MSI2: variants seen among roughly 807,000 people sequenced by gnomAD.
MSI2 encodes musashi RNA binding protein 2.
MSI2 carries 17 observed loss-of-function variants against 45.6 expected under a neutral mutation model. The observed-to-expected ratio is 0.37, with a 90% CI of 0.26 to 0.56. MSI2 has a LOEUF of 0.56. Ranked by LOEUF, MSI2 falls within the 20% of genes least tolerant of loss-of-function variation. MSI2 has a pLI of 0.77. For synonymous variants in MSI2, 156 were observed against 158.2 expected (o/e 0.99, Z 0.11); for missense variants, 293 against 444.2 (o/e 0.66, Z 3.06).
chr17:57,602,517 T>C (rs1369201655), intron 8 of MSI2, among the ~76,000 whole-genome samples: 1 of 152,180 alleles, frequency 6.6e-6, no homozygotes. Flanking sequence ...CACGCCCAGC[T>C]AATTTTTTGT....
At chr17:57,645,353 CTG>C (rs1326271509) in intron 10 of MSI2, among the ~76,000 whole-genome samples, 2 of 152,192 alleles carry the variant, frequency 1.3e-5, no homozygotes, top group Non-Finnish European at 2.9e-5. Context: ...GGCTGGCAGA[CTG>C]AAGATGTGTG....
intron 5 of MSI2, among the ~76,000 whole-genome samples, chr17:57,299,928 G>A (rs958608970): frequency 1.3e-5 from 2 of 152,162 alleles, no homozygotes; most frequent in African/African-American, 4.8e-5. Flanking sequence ...CTCTAGGGAG[G>A]GCAGATTATT....
At chr17:57,447,747 C>A (rs915143678) in intron 6 of MSI2, among the ~76,000 whole-genome samples, 3 of 152,122 alleles carry the variant, frequency 2.0e-5, no homozygotes, top group African/African-American at 7.2e-5. Context: ...ACTCTGGAAC[C>A]ACCTGCTTGG....
rs530096308 is a variant in MSI2 at position 57,586,071 on chromosome 17, T to G, written c.455-10797T>G. 9.2e-5 allele frequency among the ~76,000 whole-genome samples: 14 copies of G among 152,342 alleles called. No individual in the cohort carries two copies. In the East Asian group the frequency reaches 2.3e-3, roughly 25 times the overall value. ...GTTTCTCTCTCGCCAAGAACTATTTTCCCGACCAAGATGGAACACCACGCA... is the reference window on the plus strand; with the variant it reads ...GTTTCTCTCTCGCCAAGAACTATTTGCCCGACCAAGATGGAACACCACGCA... On this transcript the variant is annotated intron_variant, in intron 7 of 13. Transcript: ENST00000284073.
intron 5 of MSI2, among the ~76,000 whole-genome samples, chr17:57,347,552 T>C (rs1031840329): frequency 1.6e-4 from 25 of 152,214 alleles, no homozygotes; most frequent in African/African-American, 5.8e-4. Flanking sequence ...TGTCTTGCGT[T>C]TCTCTCTCAG....
At chr17:57,337,452 A>C (rs1914768281) in intron 5 of MSI2, among the ~76,000 whole-genome samples, 1 of 151,668 alleles carries the variant, frequency 6.6e-6, no homozygotes, top group African/African-American at 2.4e-5. Context: ...TTTTCTCTCC[A>C]CTTTCTCGGC....
At chr17:57,698,454 T>G in the MSI2 span, among the ~76,000 whole-genome samples, 2 of 152,208 alleles carry the variant, frequency 1.3e-5, no homozygotes, top group African/African-American at 4.8e-5. Context: ...TGTCTTCACT[T>G]CTGCCTTTCC....
chr17:57,594,979 G>A lies in MSI2; in HGVS notation c.455-1889G>A, dbSNP rs144709430. On this transcript the variant is annotated intron_variant, in intron 7 of 13. Transcript: ENST00000284073. ...ATAAAGATCACGATTGCTGTGTTTC[G>A]TGGTCCTAGCCCTCTGTTTTACTGG... Among the ~76,000 whole-genome samples the A allele has an allele frequency of 6.6e-5, 10 of 152,286 alleles. 1 individual carries two copies. The East Asian group carries it at 1.9e-3, about 29-fold the overall frequency.
chr17:57,367,854 T>TA (rs1917312808), intron 5 of MSI2, among the ~76,000 whole-genome samples: 1 of 152,138 alleles, frequency 6.6e-6, no homozygotes, highest in Admixed American at 6.6e-5. Context: ...CCATCCCTCT[T>TA]ACAGCTGTGT....
At chr17:57,502,522 A>C (rs1337170015) in intron 6 of MSI2, among the ~76,000 whole-genome samples, 1 of 148,110 alleles carries the variant, frequency 6.8e-6, no homozygotes, top group Non-Finnish European at 1.5e-5. Flanking sequence ...ATCTACAGTA[A>C]TTGTGTAATA....
At chr17:57,502,604 T>G (rs1330077325) in intron 6 of MSI2, among the ~76,000 whole-genome samples, 5 of 76,546 alleles carry the variant, frequency 6.5e-5, no homozygotes, top group African/African-American at 1.3e-4. Flanking sequence ...GACTCTGAGA[T>G]ATATATATAT....
intron 6 of MSI2, among the ~76,000 whole-genome samples, chr17:57,408,780 T>C (rs577563432): frequency 1.3e-5 from 2 of 152,234 alleles, no homozygotes; most frequent in Non-Finnish European, 2.9e-5. Flanking sequence ...TGCCAGTGGG[T>C]GCAAGGGGTG....
chr17:57,675,379 A>G (rs1295646345), intron 12 of MSI2, among the ~76,000 whole-genome samples: 16 of 152,174 alleles, frequency 1.1e-4, no homozygotes. Flanking sequence ...CATCACCTTC[A>G]CACAGTGCAT....
intron 6 of MSI2, among the ~76,000 whole-genome samples, chr17:57,515,281 G>A (rs971136224): frequency 2.0e-5 from 3 of 152,124 alleles, no homozygotes; most frequent in African/African-American, 7.2e-5. Flanking sequence ...TCGGCTCGCC[G>A]CAACCTCCGC....
chr17:57,292,360 G>A (rs1910497729), intron 5 of MSI2, among the ~76,000 whole-genome samples: 1 of 152,168 alleles, frequency 6.6e-6, no homozygotes, highest in Non-Finnish European at 1.5e-5. Context: ...CATGGACTGG[G>A]GGAGACCAGG....
intron 7 of MSI2, among the ~76,000 whole-genome samples, chr17:57,583,757 A>G (rs2088271199): frequency 6.6e-6 from 1 of 152,148 alleles, no homozygotes; most frequent in African/African-American, 2.4e-5. Context: ...CACAGACATG[A>G]GCCACCAAAC....
intron 7 of MSI2, among the ~76,000 whole-genome samples, chr17:57,593,598 T>C (rs1389075286): frequency 6.6e-6 from 1 of 150,804 alleles, no homozygotes; most frequent in East Asian, 2.0e-4. Context: ...CTTCTCAAGA[T>C]TCTTAATTAA....
chr17:57,460,849 T>C (rs2085213161), intron 6 of MSI2, among the ~76,000 whole-genome samples: 1 of 150,684 alleles, frequency 6.6e-6, no homozygotes, highest in African/African-American at 2.4e-5. Context: ...AATGGCAGAG[T>C]GTGTTCTGAG....
chr17:57,517,042 A>C (rs2086483072), intron 6 of MSI2, among the ~76,000 whole-genome samples: 1 of 152,214 alleles, frequency 6.6e-6, no homozygotes, highest in Non-Finnish European at 1.5e-5. Context: ...CTGCACTTGA[A>C]GTTTGTTCTC....
Sources: allele counts gnomAD v4.1 joint callset (sites outside exome capture counted in the v4.1 genomes callset), GRCh38; gene constraint gnomAD v4.1.1; transcripts MANE v1.5; gene names NCBI Gene and HGNC (gene_info 2026-07-23, HGNC 2026-07-21).